Variants in TBC1D8B observed in about 807,000 individuals in gnomAD.
TBC1D8B encodes the protein RP11-321G1.1.
A neutral mutation model predicts 82.9 loss-of-function variants in TBC1D8B; 75 were observed. That is an observed-to-expected ratio of 0.90 (90% CI 0.75 to 1.10). The LOEUF (loss-of-function observed/expected upper bound fraction) is 1.10. TBC1D8B is among the 50% of genes least tolerant of loss of function. The pLI, the probability that TBC1D8B is intolerant of heterozygous loss-of-function variation, is 0.00. For missense variants in TBC1D8B, 794 were observed against 796.9 expected (o/e 1.00, Z 0.04); for synonymous variants, 276 against 276.8 (o/e 1.00, Z 0.03).
intron 1 of TBC1D8B, chrX:106,813,777 C>G (rs1931448801): frequency 9.0e-6 from 1 of 111,317 alleles, no homozygotes. Context: ...TTTGCGACTA[C>G]TCTTTTATCC....
chrX:106,844,748 ATAAGTTGGATAGCG>A (rs1286235125), intron 10 of TBC1D8B, among the ~76,000 whole-genome samples: 2 of 109,985 alleles, frequency 1.8e-5, no homozygotes, highest in Admixed American at 9.8e-5. Context: ...GTTTCTTAGA[ATAAGTTGGATAGCG>A]TTTCCTCCTT....
chrX:106,816,636 T>A (rs190587548), intron 1 of TBC1D8B, among the ~76,000 whole-genome samples: 2 of 75,622 alleles, frequency 2.6e-5, no homozygotes, highest in Admixed American at 2.5e-4. Flanking sequence ...TACTTGAACT[T>A]TTTTTCATAT....
intron 14 of TBC1D8B, among the ~76,000 whole-genome samples, chrX:106,856,122 T>A (rs916631141): frequency 8.9e-6 from 1 of 112,432 alleles, no homozygotes; most frequent in South Asian, 3.6e-4. Context: ...ACTGATCACA[T>A]ATGTTTATTA....
rs114365242 is a variant in TBC1D8B at position 106,823,691 on chromosome X, G to A, written c.827+225G>A. Among the ~76,000 whole-genome samples, 455 of 111,124 alleles carry A rather than the reference G, an allele frequency of 4.1e-3. 2 individuals are homozygous for A. Among genetic ancestry groups the A allele is most frequent in the African/African-American group, 0.014 (432 of 30,612 alleles). ...GTAAGAAATAATAGAAGTTAGATTT[G>A]AAAATTATTTCTTGAGATTCAGATA... On this transcript the variant is annotated intron_variant, in intron 5 of 20. Transcript: ENST00000357242.
At position 106,853,648 on chromosome X, in the gene TBC1D8B, G is replaced by C. The variant is rs1932637952; in HGVS notation, c.2251G>C (p.Glu751Gln). ...DITDLIRESN[E>Q]KYGNIRYEDI... ...TACAGATTTGATTAGAGAATCAAAT[G>C]AGGTAAGTTTTTTCATGCCATAAAT... is the stretch of plus-strand genomic sequence containing the variant. Residue 751 changes from glutamate to glutamine, a missense_variant and splice_region_variant, in exon 13 of 21, where the codon GAG becomes CAG. Glu to Gln is a conservative substitution (Grantham distance 29). Coordinates refer to ENST00000357242, the MANE Select transcript of TBC1D8B (RefSeq NM_017752.3). 1.7e-6 allele frequency: 2 copies of C among 1,204,560 alleles called. No individual in the cohort carries two copies. The highest frequency in any genetic ancestry group is 5.9e-5 in the East Asian group (2 of 33,643).
chrX:106,861,836 A>G (rs1402690232), intron 14 of TBC1D8B, among the ~76,000 whole-genome samples: 1 of 111,932 alleles, frequency 8.9e-6, no homozygotes, highest in Non-Finnish European at 1.9e-5. Flanking sequence ...TATTGTGTCA[A>G]TAGTCTATGT....
rs759644319 is a variant in TBC1D8B at position 106,820,920 on chromosome X, A to G, written c.285A>G (p.Glu95=). 2.1e-5 allele frequency: 25 copies of G among 1,189,759 alleles called. No individual in the cohort carries two copies. The highest frequency in any genetic ancestry group is 2.7e-5 in the Non-Finnish European group (24 of 885,595). ...TAACCAAGCATTGGGATTGGTTGGA[A>G]CAAAATATTATGAAGACCTTATCTG... ...EEITKHWDWL[E]QNIMKTLSVF... is the part of the protein sequence containing the mutation. The change falls in exon 3 of 21, where the codon GAA becomes GAG. Residue 95 remains glutamate, a synonymous_variant. Coordinates refer to ENST00000357242, the MANE Select transcript of TBC1D8B (RefSeq NM_017752.3).
At chrX:106,828,613 C>A (rs1030176136) in intron 7 of TBC1D8B, 4 of 109,826 alleles carry the variant, frequency 3.6e-5, no homozygotes, top group African/African-American at 1.4e-4. Flanking sequence ...GGGCTTCATC[C>A]CTGGGATGCA....
intron 12 of TBC1D8B, among the ~76,000 whole-genome samples, chrX:106,852,273 T>C (rs2147762766): frequency 9.8e-6 from 1 of 102,130 alleles, no homozygotes; most frequent in African/African-American, 3.6e-5. Flanking sequence ...TTTGTTTTTT[T>C]CTTGTAAATT....
At chrX:106,873,423 T>C (rs1384917967) in intron 20 of TBC1D8B, 147 bp from the exon 21 acceptor site, 3 of 575,021 alleles carry the variant, frequency 5.2e-6, no homozygotes, top group Non-Finnish European at 7.7e-6. Flanking sequence ...CCAATATGTA[T>C]TTTGGGGTTA....
chrX:106,811,901 A>G (rs1040063783), intron 1 of TBC1D8B, among the ~76,000 whole-genome samples: 4 of 111,367 alleles, frequency 3.6e-5, no homozygotes, highest in African/African-American at 9.8e-5. Flanking sequence ...TTCCCAGAAG[A>G]CATTGTAATC....
At chrX:106,846,095 C>CTTTTTTT (rs763406306) in intron 10 of TBC1D8B, among the ~76,000 whole-genome samples, 1 of 72,243 alleles carries the variant, frequency 1.4e-5, no homozygotes, top group African/African-American at 5.9e-5. Flanking sequence ...CTCTCTCTCT[C>CTTTTTTT]TTTTTTTTTT....
At chrX:106,856,240 C>T (rs183345893) in intron 14 of TBC1D8B, among the ~76,000 whole-genome samples, 104 of 111,127 alleles carry the variant, frequency 9.4e-4, no homozygotes, top group Non-Finnish European at 1.6e-3. Flanking sequence ...ATTAGTAGTA[C>T]CAGTTCTTTG....
At chrX:106,863,928 A>G (rs1342810286) in intron 14 of TBC1D8B, among the ~76,000 whole-genome samples, 1 of 111,710 alleles carries the variant, frequency 9.0e-6, no homozygotes, top group Non-Finnish European at 1.9e-5. Flanking sequence ...TCATGGGACA[A>G]CAGGAGGCTG....
rs1718107656 is a variant in TBC1D8B at position 106,839,538 on chromosome X, C to A, written c.1353+81C>A. The stretch of plus-strand genomic sequence containing the variant: ...ATCTTAAAAGCAGACTAGAAGGTAT[C>A]ACAACTGAAAACTCTTCTTTTGGGA... On this transcript the variant is annotated intron_variant, in intron 8 of 20. Coordinates refer to ENST00000357242, the MANE Select transcript of TBC1D8B (RefSeq NM_017752.3). The A allele has an allele frequency of 1.0e-5, 10 of 984,950 alleles. 1 individual carries two copies. The highest frequency in any genetic ancestry group is 6.6e-4 in the Middle Eastern group (2 of 3,023). The allele number at this position is 984,950 out of a possible 1,213,427, so 81.2% of individuals were successfully genotyped here.
chrX:106,804,811 C>A (rs991614240), intron 1 of TBC1D8B, among the ~76,000 whole-genome samples: 3 of 109,840 alleles, frequency 2.7e-5, no homozygotes, highest in African/African-American at 1.0e-4. Flanking sequence ...ATGGCTTGAG[C>A]CTGGGAGGTC....
chrX:106,818,813 G>C (rs41307401), intron 2 of TBC1D8B, 40 bp downstream of exon 2: 34,228 of 1,033,897 alleles, frequency 0.033, 463 homozygotes, highest in Middle Eastern at 0.058. Flanking sequence ...ATTAAATAAG[G>C]GTACTACAAA....
intron 17 of TBC1D8B, among the ~76,000 whole-genome samples, chrX:106,867,947 AT>A (rs1932824924): frequency 9.0e-6 from 1 of 111,545 alleles, no homozygotes; most frequent in African/African-American, 3.3e-5. Flanking sequence ...TAACAGAGGG[AT>A]AAAAAAATAG....
chrX:106,847,663 G>T (rs1214131880), intron 10 of TBC1D8B, among the ~76,000 whole-genome samples: 3 of 111,551 alleles, frequency 2.7e-5, no homozygotes, highest in African/African-American at 9.8e-5. Flanking sequence ...TCTAGGATAT[G>T]AAACAGATGC....
Sources: gnomAD v4.1 joint callset for allele counts (sites outside exome capture counted in the v4.1 genomes callset) on GRCh38, gnomAD v4.1.1 for gene constraint, MANE v1.5 for transcripts, NCBI Gene and HGNC (gene_info 2026-07-23, HGNC 2026-07-21) for gene names.